ILDR2: variants seen among roughly 807,000 people sequenced by gnomAD.
The protein encoded by ILDR2 is immunoglobulin like domain containing receptor 2.
A neutral mutation model predicts 66.8 loss-of-function variants in ILDR2; 25 were observed. The observed-to-expected ratio is 0.37, with a 90% confidence interval of 0.27 to 0.52. ILDR2 has a LOEUF of 0.52. Ranked by LOEUF, ILDR2 falls within the 20% of genes least tolerant of loss-of-function variation. The pLI, the probability that ILDR2 is intolerant of heterozygous loss-of-function variation, is 0.88. For synonymous variants in ILDR2, 367 were observed against 357.2 expected, an observed-to-expected ratio of 1.03 and a Z score of -0.31; for missense variants, 827 against 876.8, an observed-to-expected ratio of 0.94 and a Z score of 0.72.
chr1:166,919,346 T>C lies in ILDR2; in HGVS notation c.*9A>G, dbSNP rs1259329436. The C allele has an allele frequency of 1.9e-5, 31 of 1,612,070 alleles. No homozygotes were observed. The highest frequency in any genetic ancestry group is 6.7e-5 in the East Asian group (3 of 44,864). ...TGATTTCTCATTATCCAGAGAAATG[T>C]TGACAACATCAGACCACAAGGGACA... On this transcript the variant is annotated 3_prime_UTR_variant, in exon 10 of 10. Transcript: ENST00000271417.
At chr1:166,973,043 C>T (rs900962973) in intron 1 of ILDR2, among the ~76,000 whole-genome samples, 3 of 152,156 alleles carry the variant, frequency 2.0e-5, no homozygotes, top group African/African-American at 7.2e-5. Context: ...TCTGTCCACA[C>T]CTCTGACAGC....
chr1:166,920,769 G>A lies in ILDR2; in HGVS notation c.1822C>T (p.Arg608Cys). The change falls in exon 9 of 10, where the codon CGC becomes TGC. Residue 608 changes from arginine (R) to cysteine (C), a missense_variant. Around this residue, in one of 2 missense-constraint regions of ILDR2, gnomAD observed 390 missense variants for 353.6 expected, o/e 1.10. Transcript: ENST00000271417. ...ELTRGPSYRG[R>C]DLPYHSNSEK... Reference sequence around the variant, plus strand: ...GAGTTGCTGTGGTAGGGCAGGTCGCGGCCGCGGTAGGACGGGCCGCGGGTC... The same window carrying A: ...GAGTTGCTGTGGTAGGGCAGGTCGCAGCCGCGGTAGGACGGGCCGCGGGTC... The A allele has an allele frequency of 2.7e-6, 4 of 1,493,012 alleles. No individual in the cohort carries two copies. Among genetic ancestry groups the A allele is most frequent in the Non-Finnish European group, 3.6e-6 (4 of 1,121,458 alleles). The allele number at this position is 1,493,012 out of a possible 1,614,324, so 92.5% of individuals were successfully genotyped here. A position where few individuals can be genotyped will look rare whatever the true frequency, so the allele number is the denominator to read the frequency against.
At chr1:166,937,915 G>A (rs1661080876) in intron 4 of ILDR2, among the ~76,000 whole-genome samples, 1 of 152,132 alleles carries the variant, frequency 6.6e-6, no homozygotes, top group Non-Finnish European at 1.5e-5. Context: ...ACATTCCTGG[G>A]AGCTTGAGAA....
At chr1:166,961,798 T>C (rs1409733364) in intron 1 of ILDR2, among the ~76,000 whole-genome samples, 4 of 152,226 alleles carry the variant, frequency 2.6e-5, no homozygotes, top group Admixed American at 2.0e-4. Context: ...AGGTGTCAGA[T>C]GCCGAGTGTG....
Position 166,958,067 on chromosome 1 carries a change from G to T in ILDR2, c.81C>A (p.Asp27Glu), listed in dbSNP as rs1557953695. The T allele has an allele frequency of 1.9e-6, 3 of 1,612,486 alleles. No homozygotes were observed. Among genetic ancestry groups the T allele is most frequent in the South Asian group, 2.2e-5 (2 of 91,060 alleles). ...GGAAGAGCATGGCCACCTTCTTCTT[G>T]TCGGGCACTGTGACCTGAAGGCCTT... ...MVEGLQVTVPDKKKVAMLFQP... is the reference protein window; with the variant it reads ...MVEGLQVTVPEKKKVAMLFQP... The change falls in exon 2 of 10, where the codon GAC becomes GAA. Residue 27 changes from aspartate (D) to glutamate (E), a missense_variant. By Grantham distance (45) the Asp-to-Glu change is conservative. This residue lies in a region of ILDR2 where 437 missense variants were observed against 523.2 expected (regional missense o/e 0.84). Transcript: ENST00000271417.
chr1:166,921,004 C>T lies in ILDR2; in HGVS notation c.1587G>A (p.Leu529=). The change falls in exon 9 of 10, where the codon CTG becomes CTA. Residue 529 remains leucine (L), a synonymous_variant. Transcript: ENST00000271417. The surrounding 1 kb of genome is among the most constrained non-coding windows in gnomAD (Gnocchi z 5.3). ...GTAPKYDHSY[L]GSARERQARP... ...GCGCCTGGCGCTCCCGCGCGCTGCC[C>T]AGGTACGAGTGGTCGTATTTGGGTG... The T allele has an allele frequency of 1.3e-6, 2 of 1,510,200 alleles. No homozygotes were observed. Among genetic ancestry groups the T allele is most frequent in the Non-Finnish European group, 1.8e-6 (2 of 1,141,022 alleles). The allele number at this position is 1,510,200 out of a possible 1,614,324, so 93.5% of individuals were successfully genotyped here. A position where few individuals can be genotyped will look rare whatever the true frequency, so the allele number is the denominator to read the frequency against.
intron 3 of ILDR2, among the ~76,000 whole-genome samples, chr1:166,952,117 T>C (rs1475571189): frequency 6.6e-6 from 1 of 152,230 alleles, no homozygotes; most frequent in African/African-American, 2.4e-5. Context: ...GATTTTAAAA[T>C]AACTTCCCTG....
At chr1:166,930,755 C>A (rs1176584294) in intron 6 of ILDR2, among the ~76,000 whole-genome samples, 1 of 152,170 alleles carries the variant, frequency 6.6e-6, no homozygotes, top group Non-Finnish European at 1.5e-5. Flanking sequence ...GCCCCAGCAA[C>A]CACCTGGTAG....
At position 166,937,125 on chromosome 1, in the gene ILDR2, C is replaced by T. The variant is rs186622325; in HGVS notation, c.557-388G>A. On this transcript the variant is annotated intron_variant, in intron 4 of 9. Coordinates refer to ENST00000271417, the MANE Select transcript of ILDR2 (RefSeq NM_199351.3). ...AAGGAGAACCTTGTCTGCTGGGCTA[C>T]GAAGTGGTGGGTTCTGTGAATACTT... is the stretch of plus-strand genomic sequence containing the variant. 1.4e-3 allele frequency among the ~76,000 whole-genome samples: 219 copies of T among 152,224 alleles called. 4 individuals are homozygous for T. The highest frequency in any genetic ancestry group is 7.7e-3 in the East Asian group (40 of 5,182).
Position 166,975,216 on chromosome 1 carries a change from C to T in ILDR2, c.46+7G>A. 1 of 1,609,372 alleles carries T rather than the reference C, an allele frequency of 6.2e-7. No individual in the cohort carries two copies. Among genetic ancestry groups the T allele is most frequent in the South Asian group, 1.1e-5 (1 of 90,948 alleles). ...AGTTATTCGTTTCTGTTGAAAAGGA[C>T]TCTTACCTGTTAGCCAGAAGAGAGA... On this transcript the variant is annotated splice_region_variant and intron_variant, in intron 1 of 9. Transcript: ENST00000271417.
At chr1:166,942,264 A>T (rs532283310) in intron 3 of ILDR2, among the ~76,000 whole-genome samples, 9 of 152,310 alleles carry the variant, frequency 5.9e-5, no homozygotes, top group African/African-American at 1.9e-4. Context: ...TTAGTTCCCA[A>T]ATCTGATACT....
At chr1:166,947,054 A>G (rs1661653666) in intron 3 of ILDR2, among the ~76,000 whole-genome samples, 1 of 152,250 alleles carries the variant, frequency 6.6e-6, no homozygotes, top group South Asian at 2.1e-4. Context: ...AAGTAATCTG[A>G]CTTCACAAAG....
chr1:166,963,510 C>A (rs553331598), intron 1 of ILDR2, among the ~76,000 whole-genome samples: 10 of 152,198 alleles, frequency 6.6e-5, no homozygotes, highest in Non-Finnish European at 7.3e-5. Flanking sequence ...GTCCTCACCA[C>A]CACCTGGGTT....
intron 3 of ILDR2, among the ~76,000 whole-genome samples, chr1:166,942,249 C>G (rs1661353768): frequency 6.6e-6 from 1 of 152,176 alleles, no homozygotes; most frequent in African/African-American, 2.4e-5. Flanking sequence ...CACTCTATAT[C>G]ACTTTTAGTT....
intron 2 of ILDR2, among the ~76,000 whole-genome samples, chr1:166,896,503 A>AT (rs1053899696): frequency 1.3e-5 from 2 of 150,452 alleles, no homozygotes; most frequent in African/African-American, 4.9e-5. Flanking sequence ...AAGAATTTTA[A>AT]TTTTTTTTAA....
intron 9 of ILDR2, 36 bp from the exon 10 acceptor site, chr1:166,919,426 C>T (rs1482847142): frequency 6.3e-7 from 1 of 1,583,050 alleles, no homozygotes; most frequent in East Asian, 2.3e-5. Context: ...CATTAAGCCA[C>T]ATGCTAGTTA....
Position 166,919,316 on chromosome 1 carries a change from A to C in ILDR2, c.*39T>G. The stretch of plus-strand genomic sequence containing the variant: ...GATTTGTGTCTTGTCCCCGTAGTCC[A>C]TGTCTGATTTCTCATTATCCAGAGA... On this transcript the variant is annotated 3_prime_UTR_variant, in exon 10 of 10. Coordinates refer to ENST00000271417, the MANE Select transcript of ILDR2 (RefSeq NM_199351.3). The C allele has an allele frequency of 6.3e-7, 1 of 1,588,634 alleles. No homozygotes were observed. Among genetic ancestry groups the C allele is most frequent in the Non-Finnish European group, 8.6e-7 (1 of 1,158,274 alleles).
intron 3 of ILDR2, among the ~76,000 whole-genome samples, chr1:166,956,316 A>G (rs1229868390): frequency 6.6e-6 from 1 of 152,202 alleles, no homozygotes; most frequent in Non-Finnish European, 1.5e-5. Flanking sequence ...ATCCAGTGGG[A>G]AAAGATTCCT....
At chr1:166,973,606 G>GCCCC (rs1663429164) in intron 1 of ILDR2, among the ~76,000 whole-genome samples, 4 of 89,546 alleles carry the variant, frequency 4.5e-5, no homozygotes, top group African/African-American at 4.9e-5. Flanking sequence ...CTGACTCAGG[G>GCCCC]ACCCCTCCCC....
Sources: allele counts gnomAD v4.1 joint callset (sites outside exome capture counted in the v4.1 genomes callset), GRCh38; gene constraint gnomAD v4.1.1; regional missense constraint gnomAD v4.1.1; non-coding constraint Gnocchi (gnomAD v3.1); transcripts MANE v1.5; gene names NCBI Gene and HGNC (gene_info 2026-07-23, HGNC 2026-07-21).